Variants in SCFD2 observed in about 807,000 individuals in gnomAD.
SCFD2 encodes the protein sec1 family domain-containing protein 2.
SCFD2 carries 54 observed loss-of-function variants against 58.9 expected under a neutral mutation model. The ratio of observed to expected loss-of-function variants is 0.92; its 90% CI spans 0.74 to 1.15. SCFD2 has a LOEUF of 1.15. SCFD2 is among the 50% of genes most tolerant of loss of function. The pLI, the probability that SCFD2 is intolerant of heterozygous loss-of-function variation, is 0.00. For missense variants in SCFD2, 805 were observed against 836.6 expected (o/e 0.96, Z 0.47); for synonymous variants, 321 against 335.9 (o/e 0.96, Z 0.49).
At chr4:52,921,493 G>A (rs1577829210) in intron 5 of SCFD2, among the ~76,000 whole-genome samples, 1 of 151,104 alleles carries the variant, frequency 6.6e-6, no homozygotes, top group Non-Finnish European at 1.5e-5. Context: ...ACATGATCAT[G>A]GATAAGTTAA....
intron 2 of SCFD2, among the ~76,000 whole-genome samples, chr4:53,329,242 C>T (rs997991138): frequency 3.3e-5 from 5 of 152,198 alleles, no homozygotes; most frequent in East Asian, 1.9e-4. Flanking sequence ...TGGAGCCCAC[C>T]ACAGCTCAAG....
intron 5 of SCFD2, among the ~76,000 whole-genome samples, chr4:53,041,850 G>A (rs1275471757): frequency 6.6e-6 from 1 of 152,070 alleles, no homozygotes; most frequent in Non-Finnish European, 1.5e-5. Flanking sequence ...CTGTTTCCCA[G>A]AGTGTATCCA....
chr4:52,967,494 G>A (rs1462729602), intron 5 of SCFD2, among the ~76,000 whole-genome samples: 3 of 152,172 alleles, frequency 2.0e-5, no homozygotes, highest in Admixed American at 2.0e-4. Context: ...TACAGATGAG[G>A]AAACTCAAGC....
chr4:53,190,928 T>C lies in SCFD2; in HGVS notation c.1312-45346A>G, dbSNP rs968100887. Among the ~76,000 whole-genome samples, 10 of 152,210 alleles carry C rather than the reference T, an allele frequency of 6.6e-5. 1 individual carries two copies. Among genetic ancestry groups the C allele is most frequent in the African/African-American group, 2.4e-4 (10 of 41,462 alleles). ...ATAATCACTATAAAATATTCCCTTA[T>C]ATTACAGAAGTTAAGACATAAAAAT... On this transcript the variant is annotated intron_variant, in intron 4 of 8. Transcript: ENST00000401642.
chr4:52,915,935 C>T (rs1719591849), intron 6 of SCFD2, among the ~76,000 whole-genome samples: 1 of 152,244 alleles, frequency 6.6e-6, no homozygotes, highest in African/African-American at 2.4e-5. Flanking sequence ...TTCAGAGAGC[C>T]ACATTTCACT....
Position 53,205,648 on chromosome 4 carries a change from A to G in SCFD2, c.1312-60066T>C, listed in dbSNP as rs981882638. On this transcript the variant is annotated intron_variant, in intron 4 of 8. Transcript: ENST00000401642. The stretch of plus-strand genomic sequence containing the variant: ...GCCGAGGTGGGCGGATCACGAGGTC[A>G]GGAGATCGCGACCATCCTGGCTAAC... 1.6e-4 allele frequency among the ~76,000 whole-genome samples: 25 copies of G among 152,106 alleles called. 1 individual carries two copies. The highest frequency in any genetic ancestry group is 5.8e-4 in the African/African-American group (24 of 41,358).
At chr4:53,099,762 A>T (rs1577726606) in intron 5 of SCFD2, among the ~76,000 whole-genome samples, 1 of 152,186 alleles carries the variant, frequency 6.6e-6, no homozygotes, top group African/African-American at 2.4e-5. Context: ...ATCTGTCCCC[A>T]TGCCTCAAAC....
intron 5 of SCFD2, among the ~76,000 whole-genome samples, chr4:53,016,521 T>C (rs1051849617): frequency 1.3e-5 from 2 of 152,210 alleles, no homozygotes; most frequent in Admixed American, 6.5e-5. Flanking sequence ...CTTCAAAATC[T>C]TTATGCAGAT....
intron 5 of SCFD2, among the ~76,000 whole-genome samples, chr4:53,056,165 A>T (rs150532602): frequency 0.015 from 2,200 of 150,604 alleles, 53 homozygotes; most frequent in African/African-American, 0.051. Context: ...GAAGGCAAAC[A>T]GACACATTTT....
intron 2 of SCFD2, among the ~76,000 whole-genome samples, chr4:53,345,692 C>T (rs1007892926): frequency 7.2e-5 from 11 of 151,954 alleles, no homozygotes; most frequent in African/African-American, 2.4e-4. Flanking sequence ...GACTTGGAAC[C>T]GACCTAAATG....
At chr4:52,888,517 G>C (rs938446905) in intron 7 of SCFD2, among the ~76,000 whole-genome samples, 1 of 152,076 alleles carries the variant, frequency 6.6e-6, no homozygotes, top group Non-Finnish European at 1.5e-5. Context: ...CTGTACCCTG[G>C]AATTGCTCTC....
chr4:53,181,056 G>A (rs1291620831), intron 4 of SCFD2, among the ~76,000 whole-genome samples: 2 of 152,146 alleles, frequency 1.3e-5, no homozygotes, highest in African/African-American at 4.8e-5. Context: ...TGGATTCACA[G>A]CCGAATTCCA....
chr4:53,284,427 A>C (rs548006499), intron 3 of SCFD2, among the ~76,000 whole-genome samples: 77 of 152,320 alleles, frequency 5.1e-4, no homozygotes, highest in African/African-American at 1.7e-3. Flanking sequence ...GAAGAGAGGA[A>C]GTTTACATTC....
intron 5 of SCFD2, among the ~76,000 whole-genome samples, chr4:53,069,450 C>T (rs774809806): frequency 6.6e-6 from 1 of 152,014 alleles, no homozygotes; most frequent in Non-Finnish European, 1.5e-5. Flanking sequence ...TCAGCAAAAG[C>T]AGCAAAATTT....
chr4:53,119,333 T>C (rs1435429280), intron 5 of SCFD2, among the ~76,000 whole-genome samples: 1 of 117,804 alleles, frequency 8.5e-6, no homozygotes, highest in African/African-American at 3.1e-5. Flanking sequence ...AAAAAAAAAA[T>C]AGCCAGGTGT....
In SCFD2 at chr4:53,202,977, G is replaced by A. The variant is rs192842961; in HGVS notation, c.1312-57395C>T. 2.2e-3 allele frequency among the ~76,000 whole-genome samples: 334 copies of A among 152,230 alleles called. 5 individuals are homozygous for A. The highest frequency in any genetic ancestry group is 1.9e-3 in the Non-Finnish European group (127 of 68,022). On this transcript the variant is annotated intron_variant, in intron 4 of 8. Coordinates refer to ENST00000401642, the MANE Select transcript of SCFD2 (RefSeq NM_152540.4). The stretch of plus-strand genomic sequence containing the variant: ...TACAATCATGTCATCTGCAAACAGG[G>A]GCAATTTGACTTCCTCTTTTCCTAA...
intron 5 of SCFD2, among the ~76,000 whole-genome samples, chr4:53,107,046 G>A (rs1182164165): frequency 1.3e-5 from 2 of 152,146 alleles, no homozygotes; most frequent in African/African-American, 4.8e-5. Flanking sequence ...CACCCTAAAA[G>A]CCAGAAGAGA....
chr4:52,981,867 C>T (rs1041082023), intron 5 of SCFD2, among the ~76,000 whole-genome samples: 1 of 152,180 alleles, frequency 6.6e-6, no homozygotes. Flanking sequence ...TATAAATACA[C>T]TACTACTGTT....
intron 5 of SCFD2, among the ~76,000 whole-genome samples, chr4:53,001,265 T>C (rs1721859384): frequency 6.6e-6 from 1 of 152,128 alleles, no homozygotes; most frequent in Admixed American, 6.6e-5. Flanking sequence ...CGTTTGTAAA[T>C]TGTTGTTCTT....
Sources: allele counts gnomAD v4.1 joint callset (sites outside exome capture counted in the v4.1 genomes callset), GRCh38; gene constraint gnomAD v4.1.1; transcripts MANE v1.5; gene names NCBI Gene and HGNC (gene_info 2026-07-23, HGNC 2026-07-21).